The following MYB variants were observed in gnomAD, a reference collection of about 807,000 sequenced individuals.
MYB encodes the protein transcriptional activator Myb.
MYB carries 28 observed loss-of-function variants against 92.9 expected under a neutral mutation model. The observed-to-expected ratio is 0.30, with a 90% CI of 0.22 to 0.41. MYB has a LOEUF of 0.41. MYB is among the 10% of genes least tolerant of loss of function. The pLI, the probability that MYB is intolerant of heterozygous loss-of-function variation, is 1.00. For synonymous variants in MYB, 295 were observed against 329.1 expected (o/e 0.90, Z 1.12); for missense variants, 679 against 929.3 (o/e 0.73, Z 3.50).
chr6:135,214,297 G>A (rs1780136791), intron 15 of MYB, among the ~76,000 whole-genome samples: 1 of 150,548 alleles, frequency 6.6e-6, no homozygotes, highest in Admixed American at 6.6e-5. Flanking sequence ...AAATGGACAA[G>A]AAAATTCTAT....
chr6:135,191,236 A>C (rs779050502), intron 5 of MYB, among the ~76,000 whole-genome samples: 2 of 152,238 alleles, frequency 1.3e-5, no homozygotes, highest in Non-Finnish European at 2.9e-5. Flanking sequence ...TGAACAAGGC[A>C]AGAAAATGAC....
At position 135,198,976 on chromosome 6, in the gene MYB, C is replaced by G. The variant is rs757072877; in HGVS notation, c.1635C>G (p.Leu545=). The G allele has an allele frequency of 1.2e-6, 2 of 1,611,550 alleles. No homozygotes were observed. Among genetic ancestry groups the G allele is most frequent in the Non-Finnish European group, 1.7e-6 (2 of 1,177,880 alleles). The part of the protein sequence containing the change: ...LEMPSLTSTP[L]IGHKLTVTTP... Reference sequence around the variant, plus strand: ...TGCCTTCTTTAACTTCCACCCCCCTCATTGGTCACAAATTGACTGTTACAA... The same window carrying G: ...TGCCTTCTTTAACTTCCACCCCCCTGATTGGTCACAAATTGACTGTTACAA... Residue 545 remains leucine (L), a synonymous_variant, in exon 11 of 16, where the codon CTC becomes CTG. Transcript: ENST00000341911.
chr6:135,196,030 C>T (rs759360226), intron 9 of MYB, 28 bp downstream of exon 9: 6 of 1,602,052 alleles, frequency 3.7e-6, no homozygotes, highest in Middle Eastern at 1.7e-4. Context: ...GGGAAGTTAA[C>T]GATTCTGGAA....
chr6:135,209,405 C>A, intron 15 of MYB, among the ~76,000 whole-genome samples: 1 of 152,030 alleles, frequency 6.6e-6, no homozygotes, highest in East Asian at 1.9e-4. Context: ...AGCTAATTTT[C>A]GTATTTTTAG....
At chr6:135,211,590 T>C (rs984411591) in intron 15 of MYB, among the ~76,000 whole-genome samples, 1 of 152,186 alleles carries the variant, frequency 6.6e-6, no homozygotes, top group East Asian at 1.9e-4. Flanking sequence ...GGAACTCATA[T>C]GTGACTAAGG....
At chr6:135,197,416 A>C (rs1185662815) in intron 10 of MYB, 93 bp downstream of exon 10, 3 of 1,130,604 alleles carry the variant, frequency 2.7e-6, no homozygotes, top group African/African-American at 3.1e-5. Context: ...CAAATGACTA[A>C]TTACTGCTGC....
At chr6:135,199,133 C>A in intron 11 of MYB, 83 bp downstream of exon 11, 1 of 1,150,692 alleles carries the variant, frequency 8.7e-7, no homozygotes, top group Non-Finnish European at 1.2e-6. Flanking sequence ...GATGTCTGAT[C>A]CACTTGTATG....
Position 135,218,486 on chromosome 6 carries a change from C to T in MYB, c.*506C>T, listed in dbSNP as rs779724172. 1 of 185,368 alleles carries T rather than the reference C, an allele frequency of 5.4e-6. No individual in the cohort carries two copies. The highest frequency in any genetic ancestry group is 2.3e-5 in the African/African-American group (1 of 42,676). The allele number at this position is 185,368 out of a possible 1,614,324, so 11.5% of individuals were successfully genotyped here. On this transcript the variant is annotated 3_prime_UTR_variant, in exon 16 of 16. Transcript: ENST00000341911. ...GTAAATGCTCATTTATGGTTAATGA[C>T]ATTGAAGGTACATTTATTGTACCAA...
chr6:135,188,364 T>G (rs1203576197), intron 3 of MYB, among the ~76,000 whole-genome samples: 1 of 152,204 alleles, frequency 6.6e-6, no homozygotes, highest in Non-Finnish European at 1.5e-5. Flanking sequence ...ACCCTGGAAT[T>G]CCTTTATAGT....
At chr6:135,214,996 G>C (rs907873754) in intron 15 of MYB, among the ~76,000 whole-genome samples, 4 of 152,164 alleles carry the variant, frequency 2.6e-5, no homozygotes, top group Non-Finnish European at 5.9e-5. Flanking sequence ...TCAGTTCCTG[G>C]AAAATATTAT....
At chr6:135,189,423 G>T (rs1208669970) in intron 3 of MYB, among the ~76,000 whole-genome samples, 2 of 152,094 alleles carry the variant, frequency 1.3e-5, no homozygotes, top group African/African-American at 4.8e-5. Context: ...AGTCTTTTAG[G>T]GTGGTTTCCA....
chr6:135,189,852 A>G lies in MYB; in HGVS notation c.275A>G (p.Lys92Arg). 1 of 1,614,168 alleles carries G rather than the reference A, an allele frequency of 6.2e-7. No homozygotes were observed. Among genetic ancestry groups the G allele is most frequent in the Non-Finnish European group, 8.5e-7 (1 of 1,179,986 alleles). Residue 92 changes from lysine to arginine, a missense_variant, in exon 4 of 16, where the codon AAG (lysine) becomes AGG (arginine). Lys to Arg is a conservative substitution (Grantham distance 26). This residue lies in a region of MYB where 88 missense variants were observed against 145.6 expected (regional missense o/e 0.60). Transcript: ENST00000341911. ...WQKVLNPELI[K>R]GPWTKEEDQR... ...AAAGTACTAAACCCTGAGCTCATCA[A>G]GGGTCCTTGGACCAAAGAAGAAGAT...
chr6:135,194,931 C>T, intron 8 of MYB: 1 of 1,306,930 alleles, frequency 7.7e-7, no homozygotes, highest in South Asian at 1.2e-5. Flanking sequence ...ATAACATTAG[C>T]TGCTCTCTTT....
rs397807155 is a variant in MYB at position 135,218,258 on chromosome 6, A to AC, written c.*279dup. The stretch of plus-strand genomic sequence containing the variant: ...CTTAATGCAGATTTTTTTAAAAAAA[A>AC]CATAAAATGATTTATCTGTATTTTA... On this transcript the variant is annotated 3_prime_UTR_variant, in exon 16 of 16. Coordinates refer to ENST00000341911, the MANE Select transcript of MYB (RefSeq NM_001130173.2). 91 of 349,306 alleles carry AC rather than the reference A, an allele frequency of 2.6e-4. No individual in the cohort carries two copies. In the Middle Eastern group the frequency reaches 3.2e-3, roughly 12 times the overall value. 21.6% of individuals were successfully genotyped at this position (349,306 alleles called of 1,614,324 possible). A position where few individuals can be genotyped will look rare whatever the true frequency, so the allele number is the denominator to read the frequency against.
intron 15 of MYB, among the ~76,000 whole-genome samples, chr6:135,210,700 A>G (rs1246728523): frequency 6.6e-6 from 1 of 152,262 alleles, no homozygotes; most frequent in Non-Finnish European, 1.5e-5. Flanking sequence ...TCAAGTGAAC[A>G]CAATTAAGCA....
rs1777432089 is a variant in MYB at position 135,197,118 on chromosome 6, G to A, written c.1361G>A (p.Arg454His). ...AGEPSPRVNK[R>H]MLSESSLDPP... ...GAACCTAGCCCAAGGGTGAACAAAC[G>A]TATGTTGAGTGAGAGTTCACTTGAC... is the stretch of plus-strand genomic sequence containing the variant. Residue 454 changes from arginine to histidine, a missense_variant, in exon 10 of 16, where the codon CGT becomes CAT. Physicochemically the swap from Arg to His is conservative, Grantham distance 29. Transcript: ENST00000341911. The A allele has an allele frequency of 7.4e-6, 12 of 1,613,990 alleles. No individual in the cohort carries two copies. The highest frequency in any genetic ancestry group is 2.2e-5 in the South Asian group (2 of 91,082).
In MYB at chr6:135,190,496, A is replaced by C. The variant is rs1244863879; in HGVS notation, c.527+149A>C. 2 of 686,886 alleles carry C rather than the reference A, an allele frequency of 2.9e-6. No homozygotes were observed. Among genetic ancestry groups the C allele is most frequent in the East Asian group, 5.4e-5 (2 of 36,734 alleles). The allele number at this position is 686,886 out of a possible 1,614,324, so 42.5% of individuals were successfully genotyped here. A position where few individuals can be genotyped will look rare whatever the true frequency, so the allele number is the denominator to read the frequency against. On this transcript the variant is annotated intron_variant, in intron 5 of 15. Coordinates refer to ENST00000341911, the MANE Select transcript of MYB (RefSeq NM_001130173.2). The surrounding 1 kb of genome is among the most constrained non-coding windows in gnomAD (Gnocchi z 4.5). Reference sequence around the variant, plus strand: ...CAGCTACATAGCTTTTAGAGATTGAAGACATCTTAGAGTTTATTTGGTTGA... The same window carrying C: ...CAGCTACATAGCTTTTAGAGATTGACGACATCTTAGAGTTTATTTGGTTGA...
At chr6:135,203,902 T>C (rs1275647503) in intron 15 of MYB, 5 of 1,161,584 alleles carry the variant, frequency 4.3e-6, no homozygotes, top group Non-Finnish European at 1.1e-6. Context: ...AACCCTAAAG[T>C]GGGTGTGTGT....
In MYB at chr6:135,187,699, A is replaced by G. The variant is rs538508666; in HGVS notation, c.142-135A>G. ...TAAATCTATACTCCCAAGTCCGTAT[A>G]TTACATTAATATCTCCTGTATTCGG... is the stretch of plus-strand genomic sequence containing the variant. On this transcript the variant is annotated intron_variant, in intron 2 of 15. Transcript: ENST00000341911. The G allele has an allele frequency of 1.3e-5, 6 of 469,612 alleles. No individual in the cohort carries two copies. In the South Asian group the frequency reaches 3.2e-4, roughly 25 times the overall value. The allele number at this position is 469,612 out of a possible 1,614,324, so 29.1% of individuals were successfully genotyped here. A position where few individuals can be genotyped will look rare whatever the true frequency, so the allele number is the denominator to read the frequency against.
Sources: gnomAD v4.1 joint callset for allele counts (sites outside exome capture counted in the v4.1 genomes callset) on GRCh38, gnomAD v4.1.1 for gene constraint, gnomAD v4.1.1 regional missense constraint, Gnocchi (gnomAD v3.1) non-coding constraint, MANE v1.5 for transcripts, NCBI Gene and HGNC (gene_info 2026-07-23, HGNC 2026-07-21) for gene names.